Variants in ZNF282 observed in about 807,000 individuals in gnomAD.
ZNF282 encodes HTLV-I U5 repressive element-binding protein 1.
ZNF282 carries 30 observed loss-of-function variants against 61.9 expected under a neutral mutation model. The observed-to-expected ratio is 0.48, with a 90% CI of 0.36 to 0.66. The LOEUF (loss-of-function observed/expected upper bound fraction) is 0.66. Among genes scored for constraint, ZNF282 ranks in the 30% least tolerant of loss-of-function variants. The pLI is 0.00. For synonymous variants in ZNF282, 396 were observed against 405.0 expected, an observed-to-expected ratio of 0.98 and a Z score of 0.27; for missense variants, 788 against 941.4, an observed-to-expected ratio of 0.84 and a Z score of 2.13.
intron 4 of ZNF282, 63 bp downstream of exon 4, chr7:149,207,533 G>A: frequency 3.2e-6 from 5 of 1,541,866 alleles, no homozygotes; most frequent in Admixed American, 3.9e-5. Flanking sequence ...CCGGCTTTCC[G>A]CACACTGCTG....
intron 7 of ZNF282, among the ~76,000 whole-genome samples, chr7:149,219,081 G>A (rs935063028): frequency 4.6e-5 from 7 of 152,174 alleles, no homozygotes; most frequent in African/African-American, 1.7e-4. Context: ...CATTAGCCAC[G>A]AGGTTCAGCT....
chr7:149,195,981 G>A (rs1795809736), intron 1 of ZNF282, among the ~76,000 whole-genome samples: 3 of 150,604 alleles, frequency 2.0e-5, no homozygotes, highest in Admixed American at 2.0e-4. Context: ...GCGGCGCGGA[G>A]CAGCGGTCGC....
chr7:149,203,299 T>C (rs1375200082), intron 2 of ZNF282, among the ~76,000 whole-genome samples: 1 of 152,208 alleles, frequency 6.6e-6, no homozygotes, highest in Non-Finnish European at 1.5e-5. Flanking sequence ...TGAAATGGTT[T>C]TGGGGTCTGG....
In ZNF282 at chr7:149,198,408, T is replaced by G; in HGVS notation, c.241T>G (p.Phe81Val). ...ACCCTTTCCAGATAGGGCACCTGTC[T>G]TCCCCGACCGCATGATGCGAGAGCC... ...FPPFPDRAPVFPDRMMREPQL... is the reference protein window; with the variant it reads ...FPPFPDRAPVVPDRMMREPQL... Residue 81 changes from phenylalanine to valine, a missense_variant, in exon 2 of 8, where the codon TTC (phenylalanine) becomes GTC (valine). Phe to Val is a conservative substitution (Grantham distance 50, BLOSUM62 -1). This residue lies in a region of ZNF282 where 137 missense variants were observed against 135.4 expected (regional missense o/e 1.01). Transcript: ENST00000610704. The surrounding 1 kb of genome is among the most constrained non-coding windows in gnomAD (Gnocchi z 4.3). The G allele has an allele frequency of 6.2e-7, 1 of 1,614,202 alleles. No individual in the cohort carries two copies. Among genetic ancestry groups the G allele is most frequent in the East Asian group, 2.2e-5 (1 of 44,878 alleles).
chr7:149,209,497 G>A (rs926562241), intron 4 of ZNF282, among the ~76,000 whole-genome samples: 1 of 152,092 alleles, frequency 6.6e-6, no homozygotes, highest in Non-Finnish European at 1.5e-5. Flanking sequence ...GGTCAGCAGC[G>A]GTAGTAACAG....
In ZNF282 at chr7:149,206,680, C is replaced by T. The variant is rs758730432; in HGVS notation, c.586-16C>T. ...GAACAGGCAGGAGGCGCTAGATTAA[C>T]CGCTTGTTGGCTTAGGTTCCAGTGA... On this transcript the variant is annotated splice_polypyrimidine_tract_variant and intron_variant, in intron 2 of 7. Transcript: ENST00000610704. 6.2e-7 allele frequency: 1 copy of T among 1,614,130 alleles called. No individual in the cohort carries two copies. Among genetic ancestry groups the T allele is most frequent in the Non-Finnish European group, 8.5e-7 (1 of 1,180,002 alleles).
At chr7:149,201,907 C>T (rs1180268811) in intron 2 of ZNF282, among the ~76,000 whole-genome samples, 2 of 152,172 alleles carry the variant, frequency 1.3e-5, no homozygotes, top group Admixed American at 1.3e-4. Flanking sequence ...TCTGCCAGCA[C>T]ACCACGTGCG....
At chr7:149,206,637 A>G (rs953395625) in intron 2 of ZNF282, 59 bp from the exon 3 acceptor site, 4 of 1,608,074 alleles carry the variant, frequency 2.5e-6, no homozygotes, top group Admixed American at 3.3e-5. Context: ...CCGCAGGAGA[A>G]GGGGAGGTGG....
chr7:149,218,172 C>T (rs1395284662), intron 7 of ZNF282, among the ~76,000 whole-genome samples: 1 of 150,968 alleles, frequency 6.6e-6, no homozygotes. Flanking sequence ...ATCTGGTTTA[C>T]GTTTTTATAG....
chr7:149,202,405 G>A (rs764832882), intron 2 of ZNF282, among the ~76,000 whole-genome samples: 16 of 151,076 alleles, frequency 1.1e-4, no homozygotes, highest in South Asian at 2.1e-4. Flanking sequence ...TCTGCCTCCC[G>A]GGTTCACACC....
chr7:149,211,199 T>C (rs1437469242), intron 5 of ZNF282, among the ~76,000 whole-genome samples: 1 of 152,210 alleles, frequency 6.6e-6, no homozygotes, highest in African/African-American at 2.4e-5. Context: ...CTGTCGTAGG[T>C]GAGAGCTCTG....
At position 149,222,154 on chromosome 7, in the gene ZNF282, G is replaced by A. The variant is rs563275591; in HGVS notation, c.1181-1658G>A. On this transcript the variant is annotated intron_variant, in intron 7 of 7. Transcript: ENST00000610704. Reference sequence around the variant, plus strand: ...CAGAGCCTGGGCTTTGTCTCCCACTGCCCCCCAAGGTGGTGGAGAACTGTG... The same window carrying A: ...CAGAGCCTGGGCTTTGTCTCCCACTACCCCCCAAGGTGGTGGAGAACTGTG... Among the ~76,000 whole-genome samples, 6 of 152,282 alleles carry A rather than the reference G, an allele frequency of 3.9e-5. No homozygotes were observed. The East Asian group carries it at 1.2e-3, about 29-fold the overall frequency.
In ZNF282 at chr7:149,198,288, C is replaced by T. The variant is rs894313255; in HGVS notation, c.166-45C>T. 4 of 1,548,226 alleles carry T rather than the reference C, an allele frequency of 2.6e-6. No individual in the cohort carries two copies. The highest frequency in any genetic ancestry group is 2.7e-5 in the African/African-American group (2 of 72,968). On this transcript the variant is annotated intron_variant, in intron 1 of 7. Coordinates refer to ENST00000610704, the MANE Select transcript of ZNF282 (RefSeq NM_003575.4). The surrounding 1 kb of genome is among the most constrained non-coding windows in gnomAD (Gnocchi z 4.3). The stretch of plus-strand genomic sequence containing the variant: ...GTTCCCAGCTGACTTCCCCGGCTCA[C>T]ACAAGGTCTCATCCTGGGTTGTCGC...
chr7:149,208,360 G>A (rs1270054824), intron 4 of ZNF282, among the ~76,000 whole-genome samples: 2 of 151,922 alleles, frequency 1.3e-5, no homozygotes, highest in Non-Finnish European at 2.9e-5. Flanking sequence ...ACACCACTGC[G>A]CCCAGCTAAT....
intron 2 of ZNF282, among the ~76,000 whole-genome samples, chr7:149,201,221 A>C (rs1585560651): frequency 1.3e-5 from 2 of 152,286 alleles, no homozygotes; most frequent in Middle Eastern, 6.8e-3. Context: ...CCAATCTATT[A>C]GTAAATACCC....
intron 7 of ZNF282, among the ~76,000 whole-genome samples, chr7:149,220,931 T>TTTTG (rs1796238542): frequency 6.6e-6 from 1 of 151,290 alleles, no homozygotes; most frequent in Non-Finnish European, 1.5e-5. Flanking sequence ...TTTTTTTTTT[T>TTTTG]TTTTTTGAGA....
intron 1 of ZNF282, among the ~76,000 whole-genome samples, chr7:149,196,848 A>G (rs947029171): frequency 2.0e-5 from 3 of 151,484 alleles, no homozygotes; most frequent in African/African-American, 7.3e-5. Context: ...CCTGCTCTCC[A>G]CTCTGCTGTG....
intron 5 of ZNF282, 22 bp from the exon 6 acceptor site, chr7:149,212,336 C>A: frequency 6.4e-7 from 1 of 1,570,768 alleles, no homozygotes; most frequent in Admixed American, 1.8e-5. Flanking sequence ...AACACCTTTG[C>A]CGCTCTTGTT....
intron 2 of ZNF282, among the ~76,000 whole-genome samples, chr7:149,204,401 T>G (rs967405297): frequency 1.3e-5 from 2 of 152,096 alleles, no homozygotes; most frequent in Non-Finnish European, 2.9e-5. Flanking sequence ...ATGTGTCTCT[T>G]GGGATGTTCC....
Sources: allele counts gnomAD v4.1 joint callset (sites outside exome capture counted in the v4.1 genomes callset), GRCh38; gene constraint gnomAD v4.1.1; regional missense constraint gnomAD v4.1.1; non-coding constraint Gnocchi (gnomAD v3.1); transcripts MANE v1.5; gene names NCBI Gene and HGNC (gene_info 2026-07-23, HGNC 2026-07-21).